ANGPT1: variants seen among roughly 807,000 people sequenced by gnomAD.
ANGPT1 encodes angiopoietin-1.
ANGPT1 carries 17 observed loss-of-function variants against 62.2 expected under a neutral mutation model. The observed-to-expected ratio is 0.27, with a 90% CI of 0.19 to 0.41. The LOEUF is 0.41. Ranked by LOEUF, ANGPT1 falls within the 10% of genes least tolerant of loss-of-function variation. ANGPT1 has a pLI of 1.00. For missense variants in ANGPT1, 478 were observed against 594.9 expected (o/e 0.80, Z 2.04); for synonymous variants, 199 against 198.9 (o/e 1.00, Z 0.00).
rs115202477 is a variant in ANGPT1 at position 107,339,736 on chromosome 8, G to A, written c.454-3465C>T. Among the ~76,000 whole-genome samples, 246 of 152,256 alleles carry A rather than the reference G, an allele frequency of 1.6e-3. 1 individual carries two copies. The highest frequency in any genetic ancestry group is 5.7e-3 in the African/African-American group (237 of 41,554). On this transcript the variant is annotated intron_variant, in intron 2 of 8. Coordinates refer to ENST00000517746, the MANE Select transcript of ANGPT1 (RefSeq NM_001146.5). ...CCCTGGGGGCCTAGGACACTGCAGC[G>A]CTCATAGCTGAGTTAGATGACATTC... is the stretch of plus-strand genomic sequence containing the variant.
At chr8:107,415,171 T>C (rs1247943487) in intron 1 of ANGPT1, among the ~76,000 whole-genome samples, 1 of 152,178 alleles carries the variant, frequency 6.6e-6, no homozygotes, top group African/African-American at 2.4e-5. Context: ...TGTCAGTGAT[T>C]CTGGTCACCA....
Position 107,346,355 on chromosome 8 carries a change from T to G in ANGPT1, c.453+587A>C, listed in dbSNP as rs75752673. Among the ~76,000 whole-genome samples, 584 of 152,320 alleles carry G rather than the reference T, an allele frequency of 3.8e-3. 6 individuals carry two copies. Among genetic ancestry groups the G allele is most frequent in the African/African-American group, 0.014 (562 of 41,576 alleles). Reference sequence around the variant, plus strand: ...TCAAAATGATAGTCATCAAAAATGATATTTGCTATTTGCCAGTAAACTATG... The same window carrying G: ...TCAAAATGATAGTCATCAAAAATGAGATTTGCTATTTGCCAGTAAACTATG... On this transcript the variant is annotated intron_variant, in intron 2 of 8. Coordinates refer to ENST00000517746, the MANE Select transcript of ANGPT1 (RefSeq NM_001146.5).
intron 1 of ANGPT1, among the ~76,000 whole-genome samples, chr8:107,419,304 C>A (rs754575783): frequency 4.6e-5 from 7 of 152,178 alleles, no homozygotes; most frequent in Non-Finnish European, 7.3e-5. Flanking sequence ...CTGACCCTTT[C>A]TCTGAAGTAG....
intron 1 of ANGPT1, among the ~76,000 whole-genome samples, chr8:107,378,588 C>G (rs1816574613): frequency 6.6e-6 from 1 of 152,080 alleles, no homozygotes; most frequent in Non-Finnish European, 1.5e-5. Context: ...AAATTGTAAT[C>G]TGAACTGTAA....
At chr8:107,345,895 T>G (rs1194626490) in intron 2 of ANGPT1, among the ~76,000 whole-genome samples, 14 of 152,182 alleles carry the variant, frequency 9.2e-5, no homozygotes, top group Non-Finnish European at 1.3e-4. Context: ...ATTAGTTAAT[T>G]ATTAGTGTTA....
At chr8:107,451,542 A>T (rs187243822) in intron 1 of ANGPT1, among the ~76,000 whole-genome samples, 2 of 151,974 alleles carry the variant, frequency 1.3e-5, no homozygotes, top group African/African-American at 2.4e-5. Context: ...ATCTATATCC[A>T]TATGGTGACA....
At chr8:107,347,238 A>G (rs1428572519) in intron 1 of ANGPT1, 141 bp from the exon 2 acceptor site, 1 of 744,576 alleles carries the variant, frequency 1.3e-6, no homozygotes, top group African/African-American at 1.8e-5. Context: ...TGGGAGTTGG[A>G]GAAATGGGAG....
intron 1 of ANGPT1, among the ~76,000 whole-genome samples, chr8:107,391,522 C>A (rs1816835438): frequency 6.6e-6 from 1 of 151,996 alleles, no homozygotes; most frequent in South Asian, 2.1e-4. Flanking sequence ...CAAAAATTAG[C>A]CAGGCGTGGT....
chr8:107,400,237 G>A lies in ANGPT1; in HGVS notation c.298-53140C>T, dbSNP rs186288879. Reference sequence around the variant, plus strand: ...GTTAAGTCTCCATCCCCAAAAGAACGAGTAAAACGAACACATCTTGATCTC... The same window carrying A: ...GTTAAGTCTCCATCCCCAAAAGAACAAGTAAAACGAACACATCTTGATCTC... On this transcript the variant is annotated intron_variant, in intron 1 of 8. Transcript: ENST00000517746. 3.0e-4 allele frequency among the ~76,000 whole-genome samples: 46 copies of A among 152,228 alleles called. No homozygotes were observed. In the East Asian group the frequency reaches 7.4e-3, roughly 24 times the overall value.
chr8:107,375,640 G>A (rs1563594042), intron 1 of ANGPT1, among the ~76,000 whole-genome samples: 1 of 152,188 alleles, frequency 6.6e-6, no homozygotes, highest in Non-Finnish European at 1.5e-5. Context: ...GTGGACGAGG[G>A]ACGTTAGCCA....
chr8:107,321,864 T>C (rs1296584447), intron 4 of ANGPT1, 32 bp downstream of exon 4: 1 of 1,581,694 alleles, frequency 6.3e-7, no homozygotes, highest in Non-Finnish European at 8.7e-7. Flanking sequence ...AATAAAATAT[T>C]AACAATACCA....
intron 1 of ANGPT1, among the ~76,000 whole-genome samples, chr8:107,394,810 C>T (rs999416156): frequency 3.9e-5 from 6 of 151,986 alleles, no homozygotes; most frequent in Admixed American, 2.6e-4. Flanking sequence ...AATTTTTGTA[C>T]TCATTATTTG....
At chr8:107,496,392 A>G (rs994620061) in intron 1 of ANGPT1, among the ~76,000 whole-genome samples, 2 of 152,262 alleles carry the variant, frequency 1.3e-5, no homozygotes, top group Admixed American at 6.5e-5. Flanking sequence ...TGGATAAACT[A>G]TTCGATTTGA....
intron 5 of ANGPT1, among the ~76,000 whole-genome samples, chr8:107,300,011 A>G (rs1177614526): frequency 7.1e-6 from 1 of 141,726 alleles, no homozygotes; most frequent in African/African-American, 2.5e-5. Context: ...ATATCTAGAT[A>G]TCTAGATATG....
chr8:107,303,734 T>G (rs1164716963), intron 4 of ANGPT1, among the ~76,000 whole-genome samples: 1 of 151,850 alleles, frequency 6.6e-6, no homozygotes, highest in Non-Finnish European at 1.5e-5. Flanking sequence ...TCTAAAACGT[T>G]CTTACCTACA....
chr8:107,313,600 T>C (rs1314782322), intron 4 of ANGPT1, among the ~76,000 whole-genome samples: 1 of 151,288 alleles, frequency 6.6e-6, no homozygotes, highest in Non-Finnish European at 1.5e-5. Flanking sequence ...CCACCACTCC[T>C]GGCTAATTTT....
intron 5 of ANGPT1, among the ~76,000 whole-genome samples, chr8:107,296,157 A>G (rs2130190942): frequency 6.6e-6 from 1 of 152,282 alleles, no homozygotes; most frequent in Non-Finnish European, 1.5e-5. Context: ...TAAATAAGTA[A>G]AGAAAAAGGT....
intron 7 of ANGPT1, among the ~76,000 whole-genome samples, chr8:107,273,925 T>C (rs774910297): frequency 6.9e-5 from 10 of 145,382 alleles, no homozygotes; most frequent in Non-Finnish European, 1.5e-4. Flanking sequence ...GGCTTCATCA[T>C]TAAAAAAAAA....
At chr8:107,360,719 G>A (rs1816144437) in intron 1 of ANGPT1, among the ~76,000 whole-genome samples, 1 of 152,016 alleles carries the variant, frequency 6.6e-6, no homozygotes, top group African/African-American at 2.4e-5. Flanking sequence ...CATTAAGCGG[G>A]AAATGAAGGC....
Sources: gnomAD v4.1 joint callset for allele counts (sites outside exome capture counted in the v4.1 genomes callset) on GRCh38, gnomAD v4.1.1 for gene constraint, MANE v1.5 for transcripts, NCBI Gene and HGNC (gene_info 2026-07-23, HGNC 2026-07-21) for gene names.